Variants in BMPR1B observed in about 807,000 individuals in gnomAD.
BMPR1B encodes bone morphogenetic protein receptor type-1B.
In BMPR1B, 12 loss-of-function variants were observed where a neutral mutation model predicts 59.1. The ratio of observed to expected loss-of-function variants is 0.20; its 90% CI spans 0.13 to 0.33. The LOEUF (loss-of-function observed/expected upper bound fraction) is 0.33, where lower values mean the gene tolerates loss of function less well. Among genes scored for constraint, BMPR1B ranks in the 10% least tolerant of loss-of-function variants. The pLI is 1.00. For synonymous variants in BMPR1B, 237 were observed against 207.3 expected (o/e 1.14, Z -1.23); for missense variants, 550 against 610.9 (o/e 0.90, Z 1.05).
chr4:95,108,850 C>T (rs1037370708), intron 4 of BMPR1B, among the ~76,000 whole-genome samples: 5 of 152,090 alleles, frequency 3.3e-5, no homozygotes, highest in East Asian at 1.9e-4. Context: ...TGTAATCCAT[C>T]GAGTTCCATT....
At chr4:94,830,745 A>G (rs909432998) in intron 1 of BMPR1B, among the ~76,000 whole-genome samples, 5 of 152,196 alleles carry the variant, frequency 3.3e-5, no homozygotes, top group Non-Finnish European at 5.9e-5. Flanking sequence ...CAGTGGTCCC[A>G]TAAGGATGTT....
At chr4:94,796,204 A>T (rs894922627) in intron 1 of BMPR1B, among the ~76,000 whole-genome samples, 1 of 152,154 alleles carries the variant, frequency 6.6e-6, no homozygotes, top group Non-Finnish European at 1.5e-5. Context: ...ACCTCAAGTG[A>T]TCTGTCCGCC....
At chr4:95,087,952 G>A (rs931577829) in intron 3 of BMPR1B, among the ~76,000 whole-genome samples, 4 of 152,064 alleles carry the variant, frequency 2.6e-5, no homozygotes, top group African/African-American at 9.7e-5. Context: ...GAACTTCAAA[G>A]TAGTGTGCAA....
intron 1 of BMPR1B, among the ~76,000 whole-genome samples, chr4:94,811,111 A>C (rs1274787846): frequency 6.6e-6 from 1 of 152,236 alleles, no homozygotes. Context: ...ATCATGTTGC[A>C]TAGCAGGTGT....
At chr4:94,815,185 G>A (rs1309505809) in intron 1 of BMPR1B, among the ~76,000 whole-genome samples, 3 of 152,174 alleles carry the variant, frequency 2.0e-5, no homozygotes, top group Non-Finnish European at 4.4e-5. Context: ...TATTACAGGA[G>A]TGAGCTACTA....
intron 10 of BMPR1B, among the ~76,000 whole-genome samples, chr4:95,132,060 C>T (rs561727189): frequency 6.6e-6 from 1 of 152,252 alleles, no homozygotes; most frequent in South Asian, 2.1e-4. Context: ...GCTTGGGTTA[C>T]ATCAGTAGCT....
chr4:95,136,220 T>G (rs1733772970), intron 10 of BMPR1B, among the ~76,000 whole-genome samples: 1 of 152,188 alleles, frequency 6.6e-6, no homozygotes, highest in East Asian at 1.9e-4. Context: ...TTCATTGATT[T>G]GTGTATGTTG....
intron 1 of BMPR1B, among the ~76,000 whole-genome samples, chr4:94,767,546 A>G (rs1164730446): frequency 6.6e-6 from 1 of 152,180 alleles, no homozygotes; most frequent in African/African-American, 2.4e-5. Context: ...TCAAGATTAA[A>G]TCAATCACTC....
At chr4:94,803,102 T>G (rs1047793679) in intron 1 of BMPR1B, among the ~76,000 whole-genome samples, 1 of 152,148 alleles carries the variant, frequency 6.6e-6, no homozygotes, top group Non-Finnish European at 1.5e-5. Flanking sequence ...ATTTCTCTCA[T>G]TGAGTACCCC....
At chr4:94,928,831 C>T (rs1728987006) in intron 2 of BMPR1B, among the ~76,000 whole-genome samples, 1 of 151,944 alleles carries the variant, frequency 6.6e-6, no homozygotes, top group African/African-American at 2.4e-5. Flanking sequence ...ATTACTAAGT[C>T]ATTTATGTCA....
chr4:95,030,594 A>G (rs1043742649), intron 3 of BMPR1B, among the ~76,000 whole-genome samples: 5 of 152,074 alleles, frequency 3.3e-5, no homozygotes, highest in African/African-American at 1.2e-4. Flanking sequence ...CTGTTTGCAG[A>G]TGACATGATT....
chr4:94,823,644 A>G (rs971477254), intron 1 of BMPR1B, among the ~76,000 whole-genome samples: 1 of 152,184 alleles, frequency 6.6e-6, no homozygotes, highest in African/African-American at 2.4e-5. Flanking sequence ...CCATACATAT[A>G]TTTACCAGGG....
At chr4:95,152,417 C>T (rs1735109470) in intron 11 of BMPR1B, among the ~76,000 whole-genome samples, 1 of 152,084 alleles carries the variant, frequency 6.6e-6, no homozygotes, top group Admixed American at 6.6e-5. Flanking sequence ...GAAAGAAAGG[C>T]TTGAAGACCT....
intron 3 of BMPR1B, among the ~76,000 whole-genome samples, chr4:95,030,438 G>A (rs1469961726): frequency 1.3e-5 from 2 of 152,078 alleles, no homozygotes; most frequent in East Asian, 1.9e-4. Flanking sequence ...GATATGTGGT[G>A]TTATTTCTGA....
At chr4:94,892,392 A>T (rs1727434536) in intron 2 of BMPR1B, among the ~76,000 whole-genome samples, 1 of 152,092 alleles carries the variant, frequency 6.6e-6, no homozygotes, top group African/African-American at 2.4e-5. Flanking sequence ...GCTTTAATAC[A>T]AGATTTAACT....
chr4:95,089,454 C>T (rs929244333), intron 3 of BMPR1B, among the ~76,000 whole-genome samples: 1 of 151,292 alleles, frequency 6.6e-6, no homozygotes, highest in South Asian at 2.1e-4. Context: ...GATATGAATT[C>T]GATAAAAGAA....
At chr4:94,835,548 T>C (rs150835591) in intron 1 of BMPR1B, among the ~76,000 whole-genome samples, 1 of 152,222 alleles carries the variant, frequency 6.6e-6, no homozygotes, top group Non-Finnish European at 1.5e-5. Flanking sequence ...TTGGCAAAAC[T>C]TTTTACACTG....
chr4:95,000,582 T>TA (rs2081598574), intron 3 of BMPR1B, among the ~76,000 whole-genome samples: 1 of 151,988 alleles, frequency 6.6e-6, no homozygotes, highest in South Asian at 2.1e-4. Flanking sequence ...GAGTTTTAGG[T>TA]ATGGATTTTA....
At chr4:94,915,595 G>T (rs1473403900) in intron 2 of BMPR1B, among the ~76,000 whole-genome samples, 1 of 151,992 alleles carries the variant, frequency 6.6e-6, no homozygotes, top group African/African-American at 2.4e-5. Flanking sequence ...TTTTGAAATC[G>T]ACACAATTAA....
Sources: gnomAD v4.1 joint callset for allele counts (sites outside exome capture counted in the v4.1 genomes callset) on GRCh38, gnomAD v4.1.1 for gene constraint, MANE v1.5 for transcripts, NCBI Gene and HGNC (gene_info 2026-07-23, HGNC 2026-07-21) for gene names.